Variants in CTNND1 observed in about 807,000 individuals in gnomAD.
The protein encoded by CTNND1 is catenin delta-1.
In CTNND1, 16 loss-of-function variants were observed where a neutral mutation model predicts 112.1. The ratio of observed to expected loss-of-function variants is 0.14; its 90% confidence interval spans 0.10 to 0.22. The LOEUF (loss-of-function observed/expected upper bound fraction) is 0.22. Ranked by LOEUF, CTNND1 falls within the 10% of genes least tolerant of loss-of-function variation. The pLI, the probability that CTNND1 is intolerant of heterozygous loss-of-function variation, is 1.00. For missense variants in CTNND1, 1,008 were observed against 1,257.0 expected, an observed-to-expected ratio of 0.80 and a Z score of 3.00; for synonymous variants, 420 against 446.5, an observed-to-expected ratio of 0.94 and a Z score of 0.75.
Position 57,809,278 on chromosome 11 carries a change from A to G in CTNND1, c.2247A>G (p.Lys749=), listed in dbSNP as rs1309453711. 1 of 1,612,242 alleles carries G rather than the reference A, an allele frequency of 6.2e-7. No homozygotes were observed. The highest frequency in any genetic ancestry group is 8.5e-7 in the Non-Finnish European group (1 of 1,178,664). ...VDARNKELIG[K]HAIPNLVKNL... ...GCATACATTCTTTCTTACTAGGTAAACATGCTATTCCTAACTTGGTAAAGA... is the reference window on the plus strand; with the variant it reads ...GCATACATTCTTTCTTACTAGGTAAGCATGCTATTCCTAACTTGGTAAAGA... Residue 749 remains lysine, a synonymous_variant, in exon 15 of 21, where the codon AAA becomes AAG. Transcript: ENST00000399050.
chr11:57,778,399 T>G (rs1262968161), intron 1 of CTNND1, among the ~76,000 whole-genome samples: 1 of 152,200 alleles, frequency 6.6e-6, no homozygotes, highest in African/African-American at 2.4e-5. Context: ...ATGTGTCACA[T>G]GTAGCTGAGC....
Position 57,816,009 on chromosome 11 carries a change from C to T in CTNND1, c.2895+8C>T. 1 of 1,567,358 alleles carries T rather than the reference C, an allele frequency of 6.4e-7. No individual in the cohort carries two copies. The highest frequency in any genetic ancestry group is 8.6e-7 in the Non-Finnish European group (1 of 1,162,668). On this transcript the variant is annotated splice_region_variant and intron_variant, in intron 20 of 20. Transcript: ENST00000399050. ...GTGTCTTACCCCTCCATGGTATGTCCTTCAGTCACCCCCAAGATTGTTCTT... is the reference window on the plus strand; with the variant it reads ...GTGTCTTACCCCTCCATGGTATGTCTTTCAGTCACCCCCAAGATTGTTCTT...
chr11:57,806,474 C>A lies in CTNND1; in HGVS notation c.1890C>A (p.Ser630=). ...GAKKGKDEWF[S]RGKKPIEDPA... ...ATGCACTGGAAGATGAGTGGTTCTC[C>A]AGAGGTGAGTGGAGTCTTTTAAGGT... Residue 630 remains serine (S), a synonymous_variant, in exon 11 of 21, where the codon TCC becomes TCA. Coordinates refer to ENST00000399050, the MANE Select transcript of CTNND1 (RefSeq NM_001085458.2). 6.2e-7 allele frequency: 1 copy of A among 1,603,162 alleles called. No homozygotes were observed. Among genetic ancestry groups the A allele is most frequent in the Non-Finnish European group, 8.5e-7 (1 of 1,174,222 alleles).
At chr11:57,780,179 G>C (rs1227467328) in intron 1 of CTNND1, among the ~76,000 whole-genome samples, 1 of 149,990 alleles carries the variant, frequency 6.7e-6, no homozygotes, top group African/African-American at 2.5e-5. Context: ...TCAGCCTCCC[G>C]AGTAGCTGGA....
chr11:57,796,956 G>GA lies in CTNND1; in HGVS notation c.920_921insA (p.Thr308AspfsTer6). The GA allele has an allele frequency of 2.0e-6, 3 of 1,525,918 alleles. No homozygotes were observed. The highest frequency in any genetic ancestry group is 1.3e-5 in the South Asian group (1 of 78,420). The allele number at this position is 1,525,918 out of a possible 1,614,324, so 94.5% of individuals were successfully genotyped here. Reference sequence around the variant, plus strand: ...ATGTCTGATTATGGCACTGCCCGTCGGACTGGGACACCCTCTGACCCTCGT... The same window carrying GA: ...ATGTCTGATTATGGCACTGCCCGTCGAGACTGGGACACCCTCTGACCCTCGT... On this transcript the variant is annotated frameshift_variant, in exon 6 of 21. Transcript: ENST00000399050. LOFTEE classifies it high-confidence loss of function.
intron 5 of CTNND1, 54 bp downstream of exon 5, chr11:57,795,783 A>C: frequency 3.4e-6 from 5 of 1,488,092 alleles, no homozygotes; most frequent in Non-Finnish European, 4.4e-6. Flanking sequence ...TTTCTTCTCT[A>C]TTAGGGGAGG....
chr11:57,810,015 G>A, intron 15 of CTNND1, 94 bp from the exon 16 acceptor site: 1 of 854,776 alleles, frequency 1.2e-6, no homozygotes, highest in Non-Finnish European at 1.7e-6. Context: ...CCTGCCCCTG[G>A]CATTTATATT....
At chr11:57,808,319 A>T (rs750534780) in intron 13 of CTNND1, 27 bp downstream of exon 13, 9 of 1,600,784 alleles carry the variant, frequency 5.6e-6, no homozygotes, top group Non-Finnish European at 7.7e-6. Context: ...GGATTTGGAG[A>T]TGGGAAAACT....
intron 1 of CTNND1, among the ~76,000 whole-genome samples, chr11:57,764,968 C>T (rs1950714511): frequency 6.6e-6 from 1 of 152,216 alleles, no homozygotes; most frequent in Admixed American, 6.5e-5. Flanking sequence ...CCATGGGGAG[C>T]TGGATGTGCT....
intron 6 of CTNND1, 90 bp downstream of exon 6, chr11:57,797,082 TCA>T: frequency 8.5e-7 from 1 of 1,177,870 alleles, no homozygotes; most frequent in Non-Finnish European, 1.1e-6. Flanking sequence ...CTTTTTGGGA[TCA>T]GAGATACTCG....
chr11:57,766,615 C>T (rs1951130812), intron 1 of CTNND1, among the ~76,000 whole-genome samples: 2 of 152,210 alleles, frequency 1.3e-5, no homozygotes, highest in South Asian at 2.1e-4. Context: ...GCAGCTGCCT[C>T]CAAGGTTTCC....
chr11:57,788,879 CAAGGTCTA>C lies in CTNND1; in HGVS notation c.-213-153_-213-146del. ...CCAAGGCCTAGGTATCTGAACACAA[CAAGGTCTA>C]AAGGGCACTTGTCACATTAAGCAAT... is the stretch of plus-strand genomic sequence containing the variant. On this transcript the variant is annotated intron_variant, in intron 1 of 20. Coordinates refer to ENST00000399050, the MANE Select transcript of CTNND1 (RefSeq NM_001085458.2). This position sits in a 1 kb window ranked among gnomAD's most constrained non-coding sequence, Gnocchi z 4.1. 6.6e-6 allele frequency among the ~76,000 whole-genome samples: 1 copy of C among 152,206 alleles called. No homozygotes were observed. The highest frequency in any genetic ancestry group is 1.9e-4 in the East Asian group (1 of 5,200).
rs1265277877 is a variant in CTNND1 at position 57,808,415 on chromosome 11, T to C, written c.2117T>C (p.Leu706Pro). The C allele has an allele frequency of 1.9e-6, 3 of 1,611,502 alleles. No homozygotes were observed. Among genetic ancestry groups the C allele is most frequent in the Middle Eastern group, 1.7e-4 (1 of 6,046 alleles). ...TATGGTCGATACATCCGCTCTGCTC[T>C]GCGTCAAGAGAAGGCTCTTTCTGCC... ...WTYGRYIRSALRQEKALSAIA... is the reference protein window; with the variant it reads ...WTYGRYIRSAPRQEKALSAIA... The change falls in exon 14 of 21, where the codon CTG becomes CCG. Residue 706 changes from leucine to proline, a missense_variant. Coordinates refer to ENST00000399050, the MANE Select transcript of CTNND1 (RefSeq NM_001085458.2).
chr11:57,798,522 CTTA>C (rs994189413), intron 6 of CTNND1, among the ~76,000 whole-genome samples: 3 of 152,040 alleles, frequency 2.0e-5, no homozygotes, highest in Admixed American at 1.3e-4. Flanking sequence ...TGCTTAGGGT[CTTA>C]TTATTTGATT....
rs747111095 is a variant in CTNND1, at chr11:57,816,285, T to A, written c.2896-12T>A. 117 of 1,613,564 alleles carry A rather than the reference T, an allele frequency of 7.3e-5. No individual in the cohort carries two copies. Among genetic ancestry groups the A allele is most frequent in the Non-Finnish European group, 9.3e-5 (110 of 1,179,716 alleles). On this transcript the variant is annotated splice_polypyrimidine_tract_variant and intron_variant, in intron 20 of 20. Transcript: ENST00000399050. ...CCCATTAACATTCTCTCTTTCTCTT[T>A]TTTCTCCACAGCAGAAGATTTAGCA...
chr11:57,771,327 T>C (rs1390824101), intron 1 of CTNND1, among the ~76,000 whole-genome samples: 1 of 152,128 alleles, frequency 6.6e-6, no homozygotes, highest in Admixed American at 6.5e-5. Context: ...AGTAAATATG[T>C]AGTATGTCAG....
intron 1 of CTNND1, among the ~76,000 whole-genome samples, chr11:57,770,324 C>T (rs183452555): frequency 8.8e-4 from 132 of 149,688 alleles, no homozygotes; most frequent in Admixed American, 2.8e-3. Flanking sequence ...AGTGAGACTC[C>T]GTCTCAAAAA....
In CTNND1 at chr11:57,800,832, AC is replaced by A. The variant is rs1387212415; in HGVS notation, c.957-900del. Among the ~76,000 whole-genome samples, 3 of 152,334 alleles carry A rather than the reference AC, an allele frequency of 2.0e-5. 1 individual carries two copies. The Middle Eastern group carries it at 0.01, about 518-fold the overall frequency. ...ATGGGTTTCTTCCTTCCTGGTAGTT[AC>A]GAATAAATAATAGTGTGACAGACTC... On this transcript the variant is annotated intron_variant, in intron 6 of 20. Transcript: ENST00000399050.
In CTNND1 at chr11:57,805,968, A is replaced by G. The variant is rs1393926517; in HGVS notation, c.1809A>G (p.Ala603=). 2 of 1,613,110 alleles carry G rather than the reference A, an allele frequency of 1.2e-6. No homozygotes were observed. Among genetic ancestry groups the G allele is most frequent in the South Asian group, 2.2e-5 (2 of 90,806 alleles). Residue 603 remains alanine, a synonymous_variant, in exon 10 of 21, where the codon GCA becomes GCG. Coordinates refer to ENST00000399050, the MANE Select transcript of CTNND1 (RefSeq NM_001085458.2). ...EIPQAERYQE[A]APNVANNTGP... ...CACAGGCAGAGCGTTACCAAGAGGCAGCTCCCAATGTTGCCAACAATACTG... is the reference window on the plus strand; with the variant it reads ...CACAGGCAGAGCGTTACCAAGAGGCGGCTCCCAATGTTGCCAACAATACTG...
Sources: gnomAD v4.1 joint callset for allele counts (sites outside exome capture counted in the v4.1 genomes callset) on GRCh38, gnomAD v4.1.1 for gene constraint, Gnocchi (gnomAD v3.1) non-coding constraint, MANE v1.5 for transcripts, NCBI Gene and HGNC (gene_info 2026-07-23, HGNC 2026-07-21) for gene names.